The following USP34 variants were observed in gnomAD, a reference collection of about 807,000 sequenced individuals.
USP34 encodes the protein ubiquitin specific peptidase 34.
In USP34, 70 loss-of-function variants were observed where a neutral mutation model predicts 460.3. The observed-to-expected ratio is 0.15, with a 90% CI of 0.13 to 0.19. USP34 has a LOEUF of 0.19. Ranked by LOEUF, USP34 falls within the 10% of genes least tolerant of loss-of-function variation. The pLI is 1.00. For missense variants in USP34, 3,985 were observed against 4,236.2 expected, an observed-to-expected ratio of 0.94 and a Z score of 1.65; for synonymous variants, 1,647 against 1,405.3, an observed-to-expected ratio of 1.17 and a Z score of -3.85.
chr2:61,266,248 C>G, intron 41 of USP34, 81 bp from the exon 42 acceptor site: 1 of 1,323,758 alleles, frequency 7.6e-7, no homozygotes. Flanking sequence ...CACAGGATGA[C>G]AGGCTACAAT....
chr2:61,300,823 C>CAA (rs373533620), intron 29 of USP34, 128 bp downstream of exon 29: 1,039 of 501,038 alleles, frequency 2.1e-3, no homozygotes, highest in African/African-American at 8.3e-3. Context: ...AAAAAATGAA[C>CAA]AAAAAAAAAA....
At chr2:61,293,304 C>A (rs891913789) in intron 33 of USP34, among the ~76,000 whole-genome samples, 160 bp downstream of exon 33, 6 of 151,970 alleles carry the variant, frequency 3.9e-5, no homozygotes, top group Non-Finnish European at 8.8e-5. Context: ...AACACTTATT[C>A]CTAATTAGTT....
At chr2:61,468,182 G>A (rs965177690) in intron 1 of USP34, among the ~76,000 whole-genome samples, 1 of 152,034 alleles carries the variant, frequency 6.6e-6, no homozygotes, top group African/African-American at 2.4e-5. Flanking sequence ...TGTAATTGTT[G>A]AAGTAAAAAA....
At chr2:61,316,649 C>G (rs1424914226) in intron 23 of USP34, among the ~76,000 whole-genome samples, 1 of 151,582 alleles carries the variant, frequency 6.6e-6, no homozygotes, top group Admixed American at 6.6e-5. Flanking sequence ...GTTCGGGAGG[C>G]CAAGGCGGGT....
At chr2:61,303,894 T>G (rs1690318273) in intron 27 of USP34, among the ~76,000 whole-genome samples, 1 of 150,478 alleles carries the variant, frequency 6.6e-6, no homozygotes, top group African/African-American at 2.4e-5. Context: ...AATACTTTGG[T>G]AGTTTTTTTG....
intron 10 of USP34, among the ~76,000 whole-genome samples, chr2:61,358,643 A>G (rs1232943583): frequency 6.6e-6 from 1 of 152,200 alleles, no homozygotes; most frequent in Non-Finnish European, 1.5e-5. Context: ...AAAAATATGA[A>G]AGGCATCCAA....
rs571838105 is a variant in USP34, at chr2:61,297,492, A to G, written c.4129-567T>C. 3.9e-5 allele frequency among the ~76,000 whole-genome samples: 6 copies of G among 152,244 alleles called. No individual in the cohort carries two copies. The East Asian group carries it at 9.6e-4, about 24-fold the overall frequency. On this transcript the variant is annotated intron_variant, in intron 29 of 79. Transcript: ENST00000398571. ...TTGCTAAGGCAAGAGTAAGCTAAAC[A>G]ACGTTTCAAAAACCACTTAGGAAAT...
At chr2:61,382,916 A>G (rs1420268305) in intron 6 of USP34, among the ~76,000 whole-genome samples, 1 of 152,204 alleles carries the variant, frequency 6.6e-6, no homozygotes, top group African/African-American at 2.4e-5. Flanking sequence ...AACAGACTGC[A>G]CAAGAGCAGA....
At chr2:61,221,158 C>T (rs992299992) in intron 66 of USP34, among the ~76,000 whole-genome samples, 1 of 152,180 alleles carries the variant, frequency 6.6e-6, no homozygotes, top group Non-Finnish European at 1.5e-5. Context: ...TTTGTGACCT[C>T]AGCAGTAACT....
At chr2:61,306,819 C>G (rs547344634) in intron 27 of USP34, among the ~76,000 whole-genome samples, 21 of 152,234 alleles carry the variant, frequency 1.4e-4, no homozygotes, top group East Asian at 3.9e-4. Flanking sequence ...GAAACAACAG[C>G]TGCTGGAGAG....
chr2:61,355,815 C>G (rs947334343), intron 10 of USP34, among the ~76,000 whole-genome samples: 3 of 152,012 alleles, frequency 2.0e-5, no homozygotes, highest in African/African-American at 7.2e-5. Context: ...AAGAAAAAGA[C>G]AGAATTGGTA....
intron 21 of USP34, among the ~76,000 whole-genome samples, chr2:61,324,694 G>A (rs747353751): frequency 5.3e-5 from 8 of 152,068 alleles, no homozygotes; most frequent in African/African-American, 7.2e-5. Flanking sequence ...TGCTTGAGCC[G>A]GGGAGGTCAA....
chr2:61,413,528 G>A (rs960644064), intron 2 of USP34, among the ~76,000 whole-genome samples: 4 of 142,438 alleles, frequency 2.8e-5, no homozygotes, highest in Admixed American at 1.5e-4. Context: ...GCAACATGGG[G>A]AAACCCCGTC....
intron 37 of USP34, among the ~76,000 whole-genome samples, chr2:61,281,645 CAT>C (rs1342222908): frequency 6.6e-6 from 1 of 152,034 alleles, no homozygotes; most frequent in Non-Finnish European, 1.5e-5. Context: ...TAATCCCATA[CAT>C]ATATATATGT....
intron 10 of USP34, among the ~76,000 whole-genome samples, chr2:61,359,047 C>G (rs548883821): frequency 8.5e-4 from 129 of 152,170 alleles, no homozygotes; most frequent in Non-Finnish European, 1.1e-3. Context: ...AAGTGATCCA[C>G]AGAGTCAATG....
intron 5 of USP34, among the ~76,000 whole-genome samples, chr2:61,393,790 T>G (rs756509219): frequency 1.3e-5 from 2 of 152,234 alleles, no homozygotes; most frequent in Non-Finnish European, 2.9e-5. Context: ...TTTTAAATTA[T>G]GACCAGAATA....
intron 5 of USP34, among the ~76,000 whole-genome samples, chr2:61,386,788 A>G (rs567196973): frequency 6.6e-6 from 1 of 152,122 alleles, no homozygotes; most frequent in Non-Finnish European, 1.5e-5. Flanking sequence ...GACTCCATCT[A>G]AAAAGAAACA....
At chr2:61,421,130 T>A (rs544857306) in intron 1 of USP34, among the ~76,000 whole-genome samples, 1 of 152,306 alleles carries the variant, frequency 6.6e-6, no homozygotes, top group African/African-American at 2.4e-5. Flanking sequence ...AATCTACATT[T>A]TTCATTTCCA....
At chr2:61,441,634 CG>C (rs1156509189) in intron 1 of USP34, among the ~76,000 whole-genome samples, 5 of 151,092 alleles carry the variant, frequency 3.3e-5, no homozygotes, top group Admixed American at 3.3e-4. Flanking sequence ...CACAGAAATG[CG>C]TAAGTGCCAA....
Sources: allele counts gnomAD v4.1 joint callset (sites outside exome capture counted in the v4.1 genomes callset), GRCh38; gene constraint gnomAD v4.1.1; transcripts MANE v1.5; gene names NCBI Gene and HGNC (gene_info 2026-07-23, HGNC 2026-07-21).